Variants in PTPN13 observed in about 807,000 individuals in gnomAD.
PTPN13 encodes the protein tyrosine-protein phosphatase non-receptor type 13.
In PTPN13, 191 loss-of-function variants were observed where a neutral mutation model predicts 284.0. The ratio of observed to expected loss-of-function variants is 0.67; its 90% confidence interval spans 0.60 to 0.76. PTPN13 has a LOEUF of 0.76. Ranked by LOEUF, PTPN13 falls within the 30% of genes least tolerant of loss-of-function variation. PTPN13 has a pLI of 0.00. For synonymous variants in PTPN13, 986 were observed against 1,022.3 expected (o/e 0.96, Z 0.68); for missense variants, 2,797 against 2,939.9 (o/e 0.95, Z 1.12).
chr4:86,752,370 A>C (rs796202742), intron 19 of PTPN13, among the ~76,000 whole-genome samples: 22 of 152,302 alleles, frequency 1.4e-4, no homozygotes, highest in African/African-American at 5.1e-4. Flanking sequence ...TTACTTTATT[A>C]ATGTAGGCTT....
rs568557392 is a variant in PTPN13 at position 86,715,381 on chromosome 4, C to T, written c.1196-1149C>T. ...TGTGTACATATATATACTTTTTGCC[C>T]AATTCTCACAAATGAATCTGTGACT... On this transcript the variant is annotated intron_variant, in intron 7 of 47. Transcript: ENST00000411767. Among the ~76,000 whole-genome samples, 3 of 151,974 alleles carry T rather than the reference C, an allele frequency of 2.0e-5. No individual in the cohort carries two copies. The East Asian group carries it at 5.8e-4, about 29-fold the overall frequency.
At chr4:86,609,330 C>A (rs939774639) in intron 1 of PTPN13, among the ~76,000 whole-genome samples, 39 of 152,258 alleles carry the variant, frequency 2.6e-4, no homozygotes, top group Middle Eastern at 6.8e-3. Flanking sequence ...TATTAAGTAT[C>A]TTATTTTATA....
intron 40 of PTPN13, among the ~76,000 whole-genome samples, chr4:86,793,740 G>T (rs187795015): frequency 2.8e-4 from 42 of 152,294 alleles, no homozygotes; most frequent in Admixed American, 4.6e-4. Context: ...TGAACAACCT[G>T]CTCCTGAATG....
intron 44 of PTPN13, among the ~76,000 whole-genome samples, chr4:86,806,279 C>T (rs1050550264): frequency 1.3e-4 from 20 of 151,328 alleles, no homozygotes; most frequent in African/African-American, 4.4e-4. Flanking sequence ...AAATACTGAC[C>T]TCTAGCAAAT....
At chr4:86,734,164 T>C in intron 12 of PTPN13, 139 bp from the exon 13 acceptor site, 1 of 683,382 alleles carries the variant, frequency 1.5e-6, no homozygotes, top group East Asian at 3.0e-5. Context: ...CAGAGCTCCC[T>C]GCCACATTTT....
At chr4:86,657,316 G>A (rs190783343) in intron 2 of PTPN13, among the ~76,000 whole-genome samples, 17 of 152,282 alleles carry the variant, frequency 1.1e-4, no homozygotes, top group African/African-American at 2.4e-4. Flanking sequence ...CGTCGCTCAC[G>A]CTGGGAGCTA....
rs192278208 is a variant in PTPN13 at position 86,793,765 on chromosome 4, A to T, written c.6346-3109A>T. Among the ~76,000 whole-genome samples, 748 of 152,358 alleles carry T rather than the reference A, an allele frequency of 4.9e-3. 2 individuals carry two copies. The highest frequency in any genetic ancestry group is 0.011 in the Admixed American group (163 of 15,300). On this transcript the variant is annotated intron_variant, in intron 40 of 47. Transcript: ENST00000411767. Reference sequence around the variant, plus strand: ...GCTCCTGAATGACTACTGGGTATATAACAAAATGAAGGCAGAAATAAAGAT... The same window carrying T: ...GCTCCTGAATGACTACTGGGTATATTACAAAATGAAGGCAGAAATAAAGAT...
intron 1 of PTPN13, among the ~76,000 whole-genome samples, chr4:86,627,488 T>G (rs1721969157): frequency 6.7e-6 from 1 of 149,904 alleles, no homozygotes; most frequent in South Asian, 2.1e-4. Flanking sequence ...TGTTTCACCT[T>G]TGATTGGGTT....
intron 6 of PTPN13, among the ~76,000 whole-genome samples, chr4:86,696,669 A>G (rs1323032582): frequency 6.6e-6 from 1 of 152,016 alleles, no homozygotes; most frequent in African/African-American, 2.4e-5. Context: ...TACAAAATTA[A>G]CAGAGAAATC....
At chr4:86,649,422 G>A (rs767744966) in intron 2 of PTPN13, among the ~76,000 whole-genome samples, 17 of 152,100 alleles carry the variant, frequency 1.1e-4, no homozygotes, top group Non-Finnish European at 2.4e-4. Context: ...AGAGATAGGG[G>A]TCTATCTTCA....
intron 43 of PTPN13, among the ~76,000 whole-genome samples, chr4:86,804,369 G>T (rs1744423207): frequency 6.6e-6 from 1 of 152,164 alleles, no homozygotes; most frequent in Non-Finnish European, 1.5e-5. Context: ...CAAACCATCT[G>T]CTTATTTGCC....
intron 1 of PTPN13, among the ~76,000 whole-genome samples, chr4:86,619,823 T>C (rs1222063444): frequency 1.3e-5 from 2 of 151,952 alleles, no homozygotes; most frequent in East Asian, 3.9e-4. Flanking sequence ...AGTCCCATTC[T>C]GGTGCTAGTT....
At chr4:86,637,884 C>A (rs1723227504) in intron 2 of PTPN13, among the ~76,000 whole-genome samples, 1 of 150,842 alleles carries the variant, frequency 6.6e-6, no homozygotes, top group Non-Finnish European at 1.5e-5. Flanking sequence ...AAGAGGAAGT[C>A]AAATTGTCCC....
intron 2 of PTPN13, among the ~76,000 whole-genome samples, chr4:86,647,652 C>T (rs932843250): frequency 1.3e-5 from 2 of 152,040 alleles, no homozygotes; most frequent in African/African-American, 4.8e-5. Flanking sequence ...CCCCTAATAA[C>T]CTCCAAATAG....
chr4:86,639,187 G>C (rs888073041), intron 2 of PTPN13, among the ~76,000 whole-genome samples: 1,559 of 151,822 alleles, frequency 0.01, 34 homozygotes, highest in African/African-American at 0.036. Context: ...ACAGGTGCTG[G>C]AGAGGATGTG....
chr4:86,670,052 T>G (rs1033379944), intron 2 of PTPN13, among the ~76,000 whole-genome samples: 14 of 151,206 alleles, frequency 9.3e-5, no homozygotes, highest in African/African-American at 2.9e-4. Context: ...CATACATGCA[T>G]CAGTCCCCAA....
intron 47 of PTPN13, among the ~76,000 whole-genome samples, chr4:86,812,179 G>C (rs542688856): frequency 1.3e-5 from 2 of 150,438 alleles, no homozygotes; most frequent in Non-Finnish European, 3.0e-5. Context: ...GCGTAGTGGC[G>C]GGCGCCTGTA....
At chr4:86,806,474 T>C (rs1369460804) in intron 44 of PTPN13, among the ~76,000 whole-genome samples, 2 of 152,212 alleles carry the variant, frequency 1.3e-5, no homozygotes, top group East Asian at 3.8e-4. Context: ...AAAGTACAAA[T>C]TCATTTTGGA....
intron 17 of PTPN13, among the ~76,000 whole-genome samples, chr4:86,745,754 C>T (rs1311128554): frequency 6.6e-6 from 1 of 151,124 alleles, no homozygotes; most frequent in African/African-American, 2.4e-5. Flanking sequence ...CCAACCTGGG[C>T]GACAGTGCGA....
Sources: gnomAD v4.1 joint callset for allele counts (sites outside exome capture counted in the v4.1 genomes callset) on GRCh38, gnomAD v4.1.1 for gene constraint, MANE v1.5 for transcripts, NCBI Gene and HGNC (gene_info 2026-07-23, HGNC 2026-07-21) for gene names.